Variants in BIRC6 observed in about 807,000 individuals in gnomAD.
BIRC6 encodes the protein dual E2 ubiquitin-conjugating enzyme/E3 ubiquitin-protein ligase BIRC6.
In BIRC6, 98 loss-of-function variants were observed where a neutral mutation model predicts 503.3. That is an observed-to-expected ratio of 0.19 (90% CI 0.17 to 0.23). The LOEUF is 0.23. Ranked by LOEUF, BIRC6 falls within the 10% of genes least tolerant of loss-of-function variation. BIRC6 has a pLI of 1.00. For missense variants in BIRC6, 5,360 were observed against 5,806.0 expected (o/e 0.92, Z 2.50); for synonymous variants, 2,240 against 2,078.7 (o/e 1.08, Z -2.11).
intron 33 of BIRC6, among the ~76,000 whole-genome samples, chr2:32,475,674 A>G (rs574791481): frequency 1.3e-5 from 2 of 152,198 alleles, no homozygotes; most frequent in Admixed American, 6.5e-5. Flanking sequence ...GCAAAATATC[A>G]TTAGAGAAAA....
chr2:32,539,755 C>G (rs544460361), intron 61 of BIRC6, among the ~76,000 whole-genome samples: 11 of 152,062 alleles, frequency 7.2e-5, no homozygotes, highest in East Asian at 3.9e-4. Flanking sequence ...ACTAGAAAAA[C>G]AGGAGTACAA....
At chr2:32,585,539 C>T (rs749542126) in intron 66 of BIRC6, among the ~76,000 whole-genome samples, 1 of 152,016 alleles carries the variant, frequency 6.6e-6, no homozygotes, top group African/African-American at 2.4e-5. Flanking sequence ...GCCACCACAC[C>T]CGGCTAATTT....
At chr2:32,496,121 G>A (rs948577713) in intron 45 of BIRC6, among the ~76,000 whole-genome samples, 17 of 151,990 alleles carry the variant, frequency 1.1e-4, no homozygotes, top group Non-Finnish European at 2.1e-4. Context: ...ATGAGCCACC[G>A]CACCCCGCCT....
At chr2:32,446,098 C>T (rs2045918231) in intron 21 of BIRC6, among the ~76,000 whole-genome samples, 1 of 152,142 alleles carries the variant, frequency 6.6e-6, no homozygotes, top group Non-Finnish European at 1.5e-5. Flanking sequence ...TCAGTTGATC[C>T]GCCCGCCTCA....
chr2:32,582,716 A>G (rs1402317511), intron 66 of BIRC6, among the ~76,000 whole-genome samples: 2 of 152,178 alleles, frequency 1.3e-5, no homozygotes, highest in East Asian at 3.9e-4. Context: ...AGATCCCACT[A>G]GTGCACTCTA....
At chr2:32,389,115 A>T (rs903513088) in intron 4 of BIRC6, among the ~76,000 whole-genome samples, 172 bp downstream of exon 4, 1 of 152,250 alleles carries the variant, frequency 6.6e-6, no homozygotes, top group East Asian at 1.9e-4. Context: ...CCAGATTTAA[A>T]GTAAACTGCT....
chr2:32,403,503 A>G (rs1161096345), intron 8 of BIRC6, among the ~76,000 whole-genome samples: 1 of 152,236 alleles, frequency 6.6e-6, no homozygotes, highest in African/African-American at 2.4e-5. Flanking sequence ...GGAAGAAGAT[A>G]TGCTAATACA....
chr2:32,374,490 T>G (rs1169601801), intron 1 of BIRC6, among the ~76,000 whole-genome samples: 2 of 149,338 alleles, frequency 1.3e-5, no homozygotes, highest in African/African-American at 2.5e-5. Flanking sequence ...TTTTTTTTTT[T>G]GTGACGGAGT....
In BIRC6 at chr2:32,469,609, G is replaced by A. The variant is rs1169869734; in HGVS notation, c.6342G>A (p.Gln2114=). 8.1e-6 allele frequency: 13 copies of A among 1,605,852 alleles called. No homozygotes were observed. Among genetic ancestry groups the A allele is most frequent in the Non-Finnish European group, 1.1e-5 (13 of 1,175,070 alleles). ...CGGAACAGCTTCTCATCTTTCCACA[G>A]GATAGGTAGGTCAGAAAATGTTGGA... ...YNSEQLLIFP[Q]DRVFMLLSCI... The change falls in exon 30 of 74, where the codon CAG becomes CAA. Residue 2114 remains glutamine, a synonymous_variant. Transcript: ENST00000421745.
intron 54 of BIRC6, among the ~76,000 whole-genome samples, chr2:32,513,355 C>T (rs1460487514): frequency 2.0e-5 from 3 of 152,120 alleles, no homozygotes; most frequent in Non-Finnish European, 4.4e-5. Flanking sequence ...AGCAGTACTG[C>T]CTTCTTTTTT....
intron 46 of BIRC6, 144 bp from the exon 47 acceptor site, chr2:32,501,569 C>T (rs1334494346): frequency 2.0e-5 from 11 of 558,694 alleles, no homozygotes; most frequent in Non-Finnish European, 3.4e-5. Context: ...ATTTGTTTCA[C>T]CATGTTGGCC....
At chr2:32,584,524 C>G (rs1262181573) in intron 66 of BIRC6, among the ~76,000 whole-genome samples, 1 of 152,124 alleles carries the variant, frequency 6.6e-6, no homozygotes, top group Non-Finnish European at 1.5e-5. Flanking sequence ...CAGAATGATA[C>G]TCCGTCTCAA....
chr2:32,579,802 A>T (rs566728785), intron 66 of BIRC6, among the ~76,000 whole-genome samples: 1 of 152,270 alleles, frequency 6.6e-6, no homozygotes, highest in East Asian at 1.9e-4. Flanking sequence ...TTCATGATTA[A>T]CACTGATAGG....
At position 32,515,155 on chromosome 2, in the gene BIRC6, C is replaced by A. The variant is rs767942394; in HGVS notation, c.10734C>A (p.Ser3578=). Residue 3578 remains serine (S), a synonymous_variant, in exon 55 of 74, where the codon TCC becomes TCA. Transcript: ENST00000421745. ...CAGTGCAATGTCATCATAGACTGTC[C>A]ATGACAGATGATAGCAAAAAGCAGG... The part of the protein sequence containing the change: ...PPPVQCHHRL[S]MTDDSKKQDL... 2.5e-6 allele frequency: 4 copies of A among 1,613,854 alleles called. No homozygotes were observed. The highest frequency in any genetic ancestry group is 1.1e-5 in the South Asian group (1 of 91,072).
intron 1 of BIRC6, among the ~76,000 whole-genome samples, chr2:32,361,242 ATACAG>A (rs993811888): frequency 4.3e-4 from 65 of 152,252 alleles, no homozygotes; most frequent in African/African-American, 1.5e-3. Flanking sequence ...GCCCTAATAT[ATACAG>A]TATAAACTCG....
intron 60 of BIRC6, 54 bp downstream of exon 60, chr2:32,529,878 G>T (rs1338317670): frequency 1.7e-6 from 2 of 1,160,546 alleles, no homozygotes; most frequent in Non-Finnish European, 2.3e-6. Flanking sequence ...AAGAGGCAGA[G>T]ATTTCTATAG....
In BIRC6 at chr2:32,482,478, A is replaced by G. The variant is rs755508434; in HGVS notation, c.7592A>G (p.Tyr2531Cys). The G allele has an allele frequency of 5.0e-6, 8 of 1,613,942 alleles. No homozygotes were observed. The highest frequency in any genetic ancestry group is 6.8e-6 in the Non-Finnish European group (8 of 1,179,812). The change falls in exon 39 of 74, where the codon TAC (tyrosine) becomes TGC (cysteine). Residue 2531 changes from tyrosine (Y) to cysteine (C), a missense_variant. Physicochemically the swap from Tyr to Cys is radical, Grantham distance 194. Around this residue, in one of 16 missense-constraint regions of BIRC6, gnomAD observed 2,299 missense variants for 2,267.2 expected, o/e 1.01. Transcript: ENST00000421745. ...TATTGGGGTGCTGATTATGGGACCT[A>G]CAATTACAACCCTTACATTGGAGGT... Reference protein sequence around the residue: ...YDYWGADYGTYNYNPYIGGLG... With the variant: ...YDYWGADYGTCNYNPYIGGLG...
intron 2 of BIRC6, among the ~76,000 whole-genome samples, chr2:32,378,543 C>T (rs1383039089): frequency 1.3e-5 from 2 of 151,828 alleles, no homozygotes; most frequent in Admixed American, 1.3e-4. Flanking sequence ...CTGCAACCTT[C>T]ATCTCCCGGG....
chr2:32,470,145 T>C (rs2048962447), intron 30 of BIRC6, 23 bp from the exon 31 acceptor site: 2 of 1,463,822 alleles, frequency 1.4e-6, no homozygotes, highest in Non-Finnish European at 1.8e-6. Flanking sequence ...TATTCTTTTC[T>C]TTTTTGTTTG....
Sources: allele counts gnomAD v4.1 joint callset (sites outside exome capture counted in the v4.1 genomes callset), GRCh38; gene constraint gnomAD v4.1.1; regional missense constraint gnomAD v4.1.1; transcripts MANE v1.5; gene names NCBI Gene and HGNC (gene_info 2026-07-23, HGNC 2026-07-21).